FARP1: variants seen among roughly 807,000 people sequenced by gnomAD.
FARP1 encodes FERM, ARHGEF and pleckstrin domain-containing protein 1.
Under a neutral mutation model 128.8 loss-of-function variants are expected in FARP1, and 52 were observed. The observed-to-expected ratio is 0.40, with a 90% CI of 0.32 to 0.51. FARP1 has a LOEUF of 0.51. Ranked by LOEUF, FARP1 falls within the 20% of genes least tolerant of loss-of-function variation. FARP1 has a pLI of 0.45. For missense variants in FARP1, 1,333 were observed against 1,367.9 expected, an observed-to-expected ratio of 0.97 and a Z score of 0.40; for synonymous variants, 580 against 551.8, an observed-to-expected ratio of 1.05 and a Z score of -0.72.
intron 2 of FARP1, among the ~76,000 whole-genome samples, chr13:98,256,964 T>TA (rs1883641551): frequency 8.3e-6 from 1 of 120,382 alleles, no homozygotes; most frequent in South Asian, 2.7e-4. Context: ...TATATATATA[T>TA]ATATATATAT....
chr13:98,247,300 G>A (rs1883119257), intron 2 of FARP1, among the ~76,000 whole-genome samples: 1 of 152,192 alleles, frequency 6.6e-6, no homozygotes, highest in Admixed American at 6.5e-5. Context: ...TCTACCAATA[G>A]TGTCACGCCC....
In FARP1 at chr13:98,448,461, GTTT is replaced by G; in HGVS notation, c.*148_*150del. 1.5e-6 allele frequency: 1 copy of G among 675,608 alleles called. No homozygotes were observed. The highest frequency in any genetic ancestry group is 2.6e-6 in the Non-Finnish European group (1 of 384,440). The allele number at this position is 675,608 out of a possible 1,614,324, so 41.9% of individuals were successfully genotyped here. On this transcript the variant is annotated 3_prime_UTR_variant, in exon 27 of 27. Coordinates refer to ENST00000319562, the MANE Select transcript of FARP1 (RefSeq NM_005766.4). ...GCAGCTCTCCTGTCTCCACAGCCGC[GTTT>G]TTTAACCCCGACCTCTCAGCGTCTG... is the stretch of plus-strand genomic sequence containing the variant.
chr13:98,213,242 C>T lies in FARP1; in HGVS notation c.-1C>T. The T allele has an allele frequency of 6.2e-7, 1 of 1,610,944 alleles. No individual in the cohort carries two copies. The highest frequency in any genetic ancestry group is 8.5e-7 in the Non-Finnish European group (1 of 1,179,132). ...CAGATATTCTCTAAGCCGCTTTCAT[C>T]ATGGGAGAAATAGAGCAGAGGCCGA... On this transcript the variant is annotated 5_prime_UTR_variant, in exon 2 of 27. Transcript: ENST00000319562.
intron 24 of FARP1, among the ~76,000 whole-genome samples, chr13:98,442,622 T>C (rs1382210746): frequency 6.6e-6 from 1 of 152,144 alleles, no homozygotes; most frequent in Non-Finnish European, 1.5e-5. Flanking sequence ...GCTTCACACC[T>C]CCACCAGGCC....
chr13:98,308,974 C>T (rs1035040296), intron 2 of FARP1, among the ~76,000 whole-genome samples: 35 of 152,066 alleles, frequency 2.3e-4, no homozygotes, highest in Admixed American at 1.0e-3. Flanking sequence ...AGCCACTATG[C>T]CCGGCCAATA....
At chr13:98,446,062 C>A in intron 24 of FARP1, 36 bp from the exon 25 acceptor site, 1 of 1,423,284 alleles carries the variant, frequency 7.0e-7, no homozygotes, top group Non-Finnish European at 9.9e-7. Flanking sequence ...GGGGCAGGTG[C>A]CCGCTGTGCT....
intron 1 of FARP1, among the ~76,000 whole-genome samples, chr13:98,156,777 G>A (rs1876523217): frequency 6.6e-6 from 1 of 151,748 alleles, no homozygotes; most frequent in Admixed American, 6.6e-5. Flanking sequence ...GCCCAGGCTG[G>A]TCTGGAACTG....
At chr13:98,371,992 C>T (rs1044607184) in intron 5 of FARP1, among the ~76,000 whole-genome samples, 11 of 152,076 alleles carry the variant, frequency 7.2e-5, no homozygotes, top group African/African-American at 2.4e-4. Context: ...CAGCAGCACC[C>T]AGACACCTAG....
intron 2 of FARP1, among the ~76,000 whole-genome samples, chr13:98,219,837 T>G (rs1240310293): frequency 2.0e-5 from 3 of 152,022 alleles, no homozygotes; most frequent in Middle Eastern, 3.4e-3. Context: ...AGCTATTTTT[T>G]TTTTACTTTT....
In FARP1 at chr13:98,440,113, C is replaced by G; in HGVS notation, c.2517-10C>G. 1.2e-6 allele frequency: 2 copies of G among 1,611,408 alleles called. No homozygotes were observed. Among genetic ancestry groups the G allele is most frequent in the Non-Finnish European group, 1.7e-6 (2 of 1,177,566 alleles). ...TGTGGCCTGAACACCTGACGCGTCT[C>G]TGTCTCCAGTTCTCGGTCCGAGATG... On this transcript the variant is annotated splice_polypyrimidine_tract_variant and intron_variant, in intron 22 of 26. Coordinates refer to ENST00000319562, the MANE Select transcript of FARP1 (RefSeq NM_005766.4).
chr13:98,224,409 C>G (rs991875040), intron 2 of FARP1, among the ~76,000 whole-genome samples: 2 of 151,542 alleles, frequency 1.3e-5, no homozygotes, highest in African/African-American at 4.9e-5. Flanking sequence ...TGCCTGTAGT[C>G]CCAGCTACTC....
intron 8 of FARP1, 135 bp downstream of exon 8, chr13:98,385,949 A>C (rs1352850392): frequency 6.8e-6 from 6 of 876,016 alleles, no homozygotes; most frequent in Non-Finnish European, 1.0e-5. Context: ...AATTAACCTC[A>C]TCTCAGGCTT....
intron 2 of FARP1, among the ~76,000 whole-genome samples, chr13:98,227,465 A>C (rs577427772): frequency 3.3e-5 from 5 of 151,502 alleles, no homozygotes; most frequent in South Asian, 2.1e-4. Context: ...AAAAAAAAAA[A>C]CAGAAAAAAA....
chr13:98,260,721 A>C (rs1883838270), intron 2 of FARP1, among the ~76,000 whole-genome samples: 1 of 152,208 alleles, frequency 6.6e-6, no homozygotes, highest in Admixed American at 6.5e-5. Flanking sequence ...TGTGAGTTCT[A>C]ACACGTAAGC....
chr13:98,401,419 C>CACACACACACACACACACAG (rs1215173590), intron 13 of FARP1: 1 of 151,244 alleles, frequency 6.6e-6, no homozygotes, highest in Non-Finnish European at 1.5e-5. Context: ...TGACAAAACA[C>CACACACACACACACACACAG]ACACACACAC....
chr13:98,213,961 CG>C (rs1372193238), intron 2 of FARP1, among the ~76,000 whole-genome samples: 1 of 152,100 alleles, frequency 6.6e-6, no homozygotes, highest in Non-Finnish European at 1.5e-5. Flanking sequence ...GTGGGAGTAT[CG>C]AAAAGCCTCC....
chr13:98,446,942 C>T, intron 26 of FARP1, 125 bp downstream of exon 26: 1 of 1,058,992 alleles, frequency 9.4e-7, no homozygotes, highest in African/African-American at 1.6e-5. Context: ...GCGTTTAGAC[C>T]TGGGGTCCCA....
chr13:98,435,287 G>A (rs975110447), intron 18 of FARP1: 23 of 223,346 alleles, frequency 1.0e-4, no homozygotes, highest in African/African-American at 4.1e-4. Context: ...TTCTTCCCCC[G>A]TGTCTTTCCC....
intron 13 of FARP1, chr13:98,395,977 G>C (rs1890525331): frequency 2.5e-6 from 1 of 399,118 alleles, no homozygotes; most frequent in South Asian, 1.3e-4. Context: ...TATGGGAGAA[G>C]ACACTCTCCC....
Sources: allele counts gnomAD v4.1 joint callset (sites outside exome capture counted in the v4.1 genomes callset), GRCh38; gene constraint gnomAD v4.1.1; transcripts MANE v1.5; gene names NCBI Gene and HGNC (gene_info 2026-07-23, HGNC 2026-07-21).